The following MARCHF1 variants were observed in gnomAD, a reference collection of about 807,000 sequenced individuals.
MARCHF1 encodes the protein E3 ubiquitin-protein ligase MARCHF1.
A neutral mutation model predicts 54.2 loss-of-function variants in MARCHF1; 40 were observed. The observed-to-expected ratio is 0.74, with a 90% CI of 0.57 to 0.96. The LOEUF is 0.96. Among genes scored for constraint, MARCHF1 ranks in the 40% least tolerant of loss-of-function variants. MARCHF1 has a pLI of 0.00. For missense variants in MARCHF1, 586 were observed against 656.5 expected (o/e 0.89, Z 1.17); for synonymous variants, 236 against 236.3 (o/e 1.00, Z 0.01).
At chr4:163,660,241 A>G (rs1743298620) in intron 5 of MARCHF1, among the ~76,000 whole-genome samples, 1 of 152,114 alleles carries the variant, frequency 6.6e-6, no homozygotes, top group Non-Finnish European at 1.5e-5. Flanking sequence ...TAATGAGTTC[A>G]AGTCCTTTGC....
At chr4:164,187,488 C>T (rs1731001250) in intron 1 of MARCHF1, among the ~76,000 whole-genome samples, 1 of 152,138 alleles carries the variant, frequency 6.6e-6, no homozygotes, top group Non-Finnish European at 1.5e-5. Flanking sequence ...TCCTCCACAT[C>T]GCCCCCATAG....
At chr4:163,529,799 T>C (rs1738281936) in intron 9 of MARCHF1, 1 of 152,002 alleles carries the variant, frequency 6.6e-6, no homozygotes, top group Non-Finnish European at 1.5e-5. Flanking sequence ...ACTACAACAG[T>C]GAGTATTTAG....
intron 4 of MARCHF1, among the ~76,000 whole-genome samples, chr4:163,705,701 T>TA (rs1189251997): frequency 6.6e-6 from 1 of 151,874 alleles, no homozygotes; most frequent in African/African-American, 2.4e-5. Context: ...GACAATATTC[T>TA]AAAAAACACT....
At chr4:164,157,317 T>C (rs554798722) in intron 1 of MARCHF1, among the ~76,000 whole-genome samples, 10 of 152,150 alleles carry the variant, frequency 6.6e-5, no homozygotes, top group Non-Finnish European at 1.5e-4. Flanking sequence ...TTAACATCTT[T>C]ACAAGACAAC....
chr4:163,873,382 T>G (rs1750221485), intron 3 of MARCHF1, among the ~76,000 whole-genome samples: 1 of 152,208 alleles, frequency 6.6e-6, no homozygotes, highest in Admixed American at 6.5e-5. Flanking sequence ...CCCCTGAACC[T>G]TGGCCATTTT....
intron 3 of MARCHF1, among the ~76,000 whole-genome samples, chr4:163,954,898 G>A (rs978007889): frequency 2.0e-5 from 3 of 152,008 alleles, no homozygotes; most frequent in Non-Finnish European, 4.4e-5. Flanking sequence ...TTTGATATTT[G>A]CTTGGAGATT....
intron 3 of MARCHF1, among the ~76,000 whole-genome samples, chr4:163,938,900 A>G (rs1751854743): frequency 6.6e-6 from 1 of 152,158 alleles, no homozygotes; most frequent in African/African-American, 2.4e-5. Flanking sequence ...GGGGAAACCT[A>G]CACCATGATT....
intron 4 of MARCHF1, among the ~76,000 whole-genome samples, chr4:163,768,010 G>A (rs2110855189): frequency 6.6e-6 from 1 of 152,198 alleles, no homozygotes; most frequent in East Asian, 1.9e-4. Flanking sequence ...AGATGGCCAA[G>A]TTTATTTAGA....
chr4:164,109,741 A>G (rs1755790112), intron 2 of MARCHF1, among the ~76,000 whole-genome samples: 1 of 151,538 alleles, frequency 6.6e-6, no homozygotes, highest in Admixed American at 6.6e-5. Context: ...CTAAGCTCTA[A>G]TAACTCCTAC....
At chr4:164,051,010 T>C (rs6536779) in intron 2 of MARCHF1, among the ~76,000 whole-genome samples, 126,320 of 152,108 alleles carry the variant, frequency 0.83, 52,619 homozygotes, top group Admixed American at 0.88. Context: ...GTACTACTAT[T>C]CTAACTCGCA....
chr4:163,769,356 G>A (rs1043263860), intron 4 of MARCHF1, among the ~76,000 whole-genome samples: 2 of 152,264 alleles, frequency 1.3e-5, no homozygotes, highest in Admixed American at 6.5e-5. Context: ...TAGATTAGAA[G>A]AAGTAGTATA....
intron 1 of MARCHF1, among the ~76,000 whole-genome samples, chr4:164,257,415 A>G (rs1182126812): frequency 2.6e-5 from 4 of 152,002 alleles, no homozygotes; most frequent in Admixed American, 2.6e-4. Context: ...TGGAGGCCAA[A>G]CCATATAAAA....
chr4:163,710,120 A>G (rs936690682), intron 4 of MARCHF1, among the ~76,000 whole-genome samples: 5 of 152,134 alleles, frequency 3.3e-5, no homozygotes, highest in African/African-American at 1.2e-4. Flanking sequence ...CAGGATCACT[A>G]TGAAAAGTCT....
chr4:164,204,993 A>G (rs1485521543), intron 1 of MARCHF1, among the ~76,000 whole-genome samples: 1 of 152,246 alleles, frequency 6.6e-6, no homozygotes, highest in African/African-American at 2.4e-5. Context: ...TTATTTTTAA[A>G]CTAAAATGAT....
intron 4 of MARCHF1, among the ~76,000 whole-genome samples, chr4:163,802,871 A>G (rs200404950): frequency 6.6e-6 from 1 of 152,186 alleles, no homozygotes; most frequent in Non-Finnish European, 1.5e-5. Context: ...TGTTACAGAG[A>G]GTTATTATCC....
At chr4:163,599,586 AT>A (rs1449239206) in intron 7 of MARCHF1, among the ~76,000 whole-genome samples, 4 of 152,122 alleles carry the variant, frequency 2.6e-5, no homozygotes, top group African/African-American at 9.7e-5. Context: ...CCCTATACCT[AT>A]CCCCATGCAC....
chr4:163,763,608 C>G (rs79137159), intron 4 of MARCHF1, among the ~76,000 whole-genome samples: 34 of 151,920 alleles, frequency 2.2e-4, no homozygotes, highest in Non-Finnish European at 2.8e-4. Context: ...TCCCCCCTTA[C>G]GAACTTCTAA....
At chr4:164,165,140 C>G (rs1579587412) in intron 1 of MARCHF1, among the ~76,000 whole-genome samples, 1 of 151,766 alleles carries the variant, frequency 6.6e-6, no homozygotes, top group South Asian at 2.1e-4. Context: ...GTGGTTCTGC[C>G]CATTTTTCTA....
chr4:163,921,665 A>G (rs1751433442), intron 3 of MARCHF1, among the ~76,000 whole-genome samples: 1 of 152,150 alleles, frequency 6.6e-6, no homozygotes, highest in African/African-American at 2.4e-5. Context: ...AATGGCTATG[A>G]TAAAGGTGAT....
Sources: gnomAD v4.1 joint callset for allele counts (sites outside exome capture counted in the v4.1 genomes callset) on GRCh38, gnomAD v4.1.1 for gene constraint, MANE v1.5 for transcripts, NCBI Gene and HGNC (gene_info 2026-07-23, HGNC 2026-07-21) for gene names.